GPR158: variants seen among roughly 807,000 people sequenced by gnomAD.
GPR158 encodes the protein metabotropic glycine receptor.
GPR158 carries 30 observed loss-of-function variants against 78.2 expected under a neutral mutation model. The ratio of observed to expected loss-of-function variants is 0.38; its 90% CI spans 0.29 to 0.52. The LOEUF is 0.52. GPR158 is among the 20% of genes least tolerant of loss of function. The probability of loss-of-function intolerance (pLI) is 0.83; values close to 1 mark genes in which losing one functional copy is unlikely to be tolerated. For synonymous variants in GPR158, 581 were observed against 591.1 expected (o/e 0.98, Z 0.25); for missense variants, 1,463 against 1,523.5 (o/e 0.96, Z 0.66).
chr10:25,433,971 A>G (rs999067775), intron 4 of GPR158, among the ~76,000 whole-genome samples: 1 of 152,040 alleles, frequency 6.6e-6, no homozygotes, highest in Non-Finnish European at 1.5e-5. Context: ...CGTCCTGGCT[A>G]ACATGGTGAA....
chr10:25,419,028 A>G (rs570252853), intron 4 of GPR158, among the ~76,000 whole-genome samples: 2 of 152,154 alleles, frequency 1.3e-5, no homozygotes, highest in East Asian at 3.9e-4. Context: ...ATGATGTTCT[A>G]ATGACTATTT....
chr10:25,235,689 A>G (rs1261883440), intron 2 of GPR158, among the ~76,000 whole-genome samples: 1 of 145,498 alleles, frequency 6.9e-6, no homozygotes, highest in Admixed American at 6.9e-5. Flanking sequence ...TGTTTTGCAC[A>G]GTAATTTTTT....
rs34007198 is a variant in GPR158, at chr10:25,450,014, A to AAC, written c.1336-16637_1336-16636insAC. ...TAATAAAAATGATCAGAAAAAAAAA[A>AAC]CCTCCTCCCTGACACTGCCATGTCC... On this transcript the variant is annotated intron_variant, in intron 4 of 10. Transcript: ENST00000376351. 2.8e-4 allele frequency among the ~76,000 whole-genome samples: 42 copies of AAC among 150,242 alleles called. 1 individual carries two copies. Among genetic ancestry groups the AAC allele is most frequent in the East Asian group, 2.0e-4 (1 of 5,072 alleles).
intron 4 of GPR158, among the ~76,000 whole-genome samples, chr10:25,427,828 A>C (rs1014604401): frequency 3.9e-5 from 6 of 152,066 alleles, no homozygotes. Flanking sequence ...GTTTTTCTTA[A>C]GTTAACATTT....
chr10:25,338,492 T>TA, intron 2 of GPR158, among the ~76,000 whole-genome samples: 1 of 129,068 alleles, frequency 7.7e-6, no homozygotes, highest in African/African-American at 3.1e-5. Flanking sequence ...ATACGTATAA[T>TA]ATACGTATAT....
chr10:25,547,009 T>C (rs753504883), intron 5 of GPR158, among the ~76,000 whole-genome samples: 14 of 152,128 alleles, frequency 9.2e-5, no homozygotes, highest in Non-Finnish European at 1.9e-4. Flanking sequence ...TTTGACTTTT[T>C]CCTAAGAGTA....
chr10:25,586,586 AATT>A (rs1395781066), intron 7 of GPR158, among the ~76,000 whole-genome samples: 3 of 151,478 alleles, frequency 2.0e-5, no homozygotes, highest in Middle Eastern at 3.2e-3. Flanking sequence ...AAATTTTTTT[AATT>A]TTTAGTAGAG....
intron 3 of GPR158, among the ~76,000 whole-genome samples, chr10:25,399,091 A>C (rs1309626012): frequency 6.6e-6 from 1 of 152,234 alleles, no homozygotes; most frequent in Non-Finnish European, 1.5e-5. Context: ...GAGAGGCTTC[A>C]GGAAACTTAC....
At chr10:25,461,086 C>G (rs537775089) in intron 4 of GPR158, among the ~76,000 whole-genome samples, 14 of 152,294 alleles carry the variant, frequency 9.2e-5, no homozygotes, top group African/African-American at 3.4e-4. Flanking sequence ...CTCAGCCCTC[C>G]TTATTCCCTG....
At chr10:25,306,370 G>C (rs1034549526) in intron 2 of GPR158, among the ~76,000 whole-genome samples, 2 of 151,928 alleles carry the variant, frequency 1.3e-5, no homozygotes, top group Non-Finnish European at 2.9e-5. Context: ...CCCTGCCTTC[G>C]TGCATTATTC....
chr10:25,406,340 A>C (rs1396082154), intron 3 of GPR158, among the ~76,000 whole-genome samples: 1 of 152,100 alleles, frequency 6.6e-6, no homozygotes, highest in Non-Finnish European at 1.5e-5. Context: ...TTTTAGAGGG[A>C]TCCCAGCAGG....
intron 2 of GPR158, among the ~76,000 whole-genome samples, chr10:25,264,475 G>C (rs1854014220): frequency 6.6e-6 from 1 of 152,014 alleles, no homozygotes; most frequent in Admixed American, 6.6e-5. Context: ...AAACATTTTG[G>C]GTGTCTGGAT....
chr10:25,447,912 T>C (rs1177275030), intron 4 of GPR158, among the ~76,000 whole-genome samples: 1 of 152,138 alleles, frequency 6.6e-6, no homozygotes, highest in East Asian at 1.9e-4. Context: ...AAGTCTCCAT[T>C]AGCCTCAGAA....
At chr10:25,325,259 A>G (rs905254781) in intron 2 of GPR158, among the ~76,000 whole-genome samples, 5 of 152,208 alleles carry the variant, frequency 3.3e-5, no homozygotes, top group Middle Eastern at 3.4e-3. Context: ...TTGACATTTA[A>G]TATTTGTTTT....
intron 1 of GPR158, among the ~76,000 whole-genome samples, chr10:25,197,937 C>T (rs1449623527): frequency 6.6e-6 from 1 of 152,050 alleles, no homozygotes; most frequent in Non-Finnish European, 1.5e-5. Context: ...CTTTAAAGAA[C>T]CCTGTGGATG....
intron 7 of GPR158, among the ~76,000 whole-genome samples, chr10:25,574,086 A>C (rs1231014168): frequency 1.3e-5 from 2 of 150,820 alleles, no homozygotes; most frequent in East Asian, 3.9e-4. Context: ...CCAGATAGGA[A>C]AAATCATTTC....
chr10:25,441,219 A>T (rs896886422), intron 4 of GPR158, among the ~76,000 whole-genome samples: 1 of 152,184 alleles, frequency 6.6e-6, no homozygotes, highest in African/African-American at 2.4e-5. Context: ...ATTAACTCAG[A>T]ATCACAGAAG....
At position 25,420,242 on chromosome 10, in the gene GPR158, G is replaced by A. The variant is rs189186215; in HGVS notation, c.1335+7769G>A. 4.0e-3 allele frequency among the ~76,000 whole-genome samples: 606 copies of A among 152,104 alleles called. 1 individual carries two copies. Among genetic ancestry groups the A allele is most frequent in the Non-Finnish European group, 5.8e-3 (396 of 67,980 alleles). On this transcript the variant is annotated intron_variant, in intron 4 of 10. Coordinates refer to ENST00000376351, the MANE Select transcript of GPR158 (RefSeq NM_020752.3). ...ATAGCTCACTGCAGCCTCAAACTCC[G>A]GGGCTCAAGCAACCCTCCCACCTCA... is the stretch of plus-strand genomic sequence containing the variant.
intron 5 of GPR158, among the ~76,000 whole-genome samples, chr10:25,506,080 A>G (rs1042291843): frequency 2.0e-5 from 3 of 152,162 alleles, no homozygotes; most frequent in Non-Finnish European, 2.9e-5. Flanking sequence ...GATCTCTTGA[A>G]CAACTCGACA....
Sources: gnomAD v4.1 joint callset for allele counts (sites outside exome capture counted in the v4.1 genomes callset) on GRCh38, gnomAD v4.1.1 for gene constraint, MANE v1.5 for transcripts, NCBI Gene and HGNC (gene_info 2026-07-23, HGNC 2026-07-21) for gene names.